The following ERBB4 variants were observed in gnomAD, a reference collection of about 807,000 sequenced individuals.
ERBB4 encodes erb-b2 receptor tyrosine kinase 4, also known as receptor tyrosine-protein kinase erbB-4.
ERBB4 carries 42 observed loss-of-function variants against 158.0 expected under a neutral mutation model. The ratio of observed to expected loss-of-function variants is 0.27; its 90% CI spans 0.21 to 0.34. ERBB4 has a LOEUF of 0.34. ERBB4 is among the 10% of genes least tolerant of loss of function. ERBB4 has a pLI of 1.00. For synonymous variants in ERBB4, 583 were observed against 558.7 expected, an observed-to-expected ratio of 1.04 and a Z score of -0.61; for missense variants, 1,333 against 1,624.1, an observed-to-expected ratio of 0.82 and a Z score of 3.08.
chr2:212,082,619 G>A (rs2078480686), intron 2 of ERBB4, among the ~76,000 whole-genome samples: 1 of 151,912 alleles, frequency 6.6e-6, no homozygotes, highest in Non-Finnish European at 1.5e-5. Context: ...TCTACAAGTG[G>A]ATTCGTATGA....
chr2:211,715,258 G>T (rs934561393), intron 7 of ERBB4, among the ~76,000 whole-genome samples: 1 of 152,170 alleles, frequency 6.6e-6, no homozygotes, highest in Non-Finnish European at 1.5e-5. Flanking sequence ...TGGGTACAAA[G>T]TATGGAAAAA....
chr2:212,019,393 A>C (rs976085378), intron 2 of ERBB4, among the ~76,000 whole-genome samples: 1 of 152,210 alleles, frequency 6.6e-6, no homozygotes, highest in Non-Finnish European at 1.5e-5. Flanking sequence ...GGTTATCTAC[A>C]AAAATGCAAA....
chr2:212,027,609 C>T (rs2076803841), intron 2 of ERBB4, among the ~76,000 whole-genome samples: 1 of 151,820 alleles, frequency 6.6e-6, no homozygotes, highest in Non-Finnish European at 1.5e-5. Flanking sequence ...TATTCTTACT[C>T]CTTGGCTTCA....
chr2:211,505,409 T>A (rs189946137), intron 20 of ERBB4, among the ~76,000 whole-genome samples: 1 of 151,538 alleles, frequency 6.6e-6, no homozygotes, highest in East Asian at 1.9e-4. Context: ...AAGCAAACAC[T>A]AAGGGAATTG....
At chr2:211,928,510 G>T (rs1434092558) in intron 3 of ERBB4, among the ~76,000 whole-genome samples, 2 of 152,160 alleles carry the variant, frequency 1.3e-5, no homozygotes. Context: ...AAACTCTCCT[G>T]TAGAAATCTT....
chr2:211,815,367 T>C (rs907410713), intron 3 of ERBB4, among the ~76,000 whole-genome samples: 2 of 152,208 alleles, frequency 1.3e-5, no homozygotes, highest in Non-Finnish European at 2.9e-5. Context: ...AAGAAAAGTG[T>C]TTGACTCTCC....
At chr2:212,416,436 G>C (rs1287361710) in intron 1 of ERBB4, among the ~76,000 whole-genome samples, 4 of 151,862 alleles carry the variant, frequency 2.6e-5, no homozygotes, top group African/African-American at 4.8e-5. Flanking sequence ...CTTAGGAAAG[G>C]GGTCAGACAT....
chr2:212,061,220 G>T (rs1474198260), intron 2 of ERBB4, among the ~76,000 whole-genome samples: 1 of 151,464 alleles, frequency 6.6e-6, no homozygotes, highest in African/African-American at 2.4e-5. Context: ...ATTTTGGGAG[G>T]CTGAGGTGGG....
At chr2:211,980,132 T>C (rs1274012824) in intron 2 of ERBB4, among the ~76,000 whole-genome samples, 2 of 152,110 alleles carry the variant, frequency 1.3e-5, no homozygotes, top group East Asian at 3.8e-4. Flanking sequence ...GAGTATTCTG[T>C]CTCTTGAATA....
chr2:211,755,570 T>C (rs552577899), intron 4 of ERBB4, among the ~76,000 whole-genome samples: 3 of 152,362 alleles, frequency 2.0e-5, no homozygotes, highest in Admixed American at 1.3e-4. Flanking sequence ...TCACCACTAT[T>C]TTAATTCACA....
intron 20 of ERBB4, among the ~76,000 whole-genome samples, chr2:211,531,460 A>C (rs1265610733): frequency 6.6e-6 from 1 of 152,152 alleles, no homozygotes; most frequent in African/African-American, 2.4e-5. Flanking sequence ...ACAACTCTAT[A>C]GGAAAAAATC....
intron 2 of ERBB4, among the ~76,000 whole-genome samples, chr2:211,977,498 C>A (rs77064543): frequency 8.5e-6 from 1 of 117,984 alleles, no homozygotes; most frequent in African/African-American, 3.1e-5. Context: ...GGCACTTTCT[C>A]TTTTAGGCCT....
At chr2:211,740,755 C>T (rs372622070) in intron 5 of ERBB4, among the ~76,000 whole-genome samples, 106 of 150,216 alleles carry the variant, frequency 7.1e-4, no homozygotes, top group African/African-American at 2.3e-3. Context: ...GGACTATAGG[C>T]GCCCGCCACC....
At chr2:211,888,982 G>A (rs6734706) in intron 3 of ERBB4, among the ~76,000 whole-genome samples, 94,485 of 145,960 alleles carry the variant, frequency 0.65, 32,518 homozygotes, top group East Asian at 0.9. Context: ...AGGGGCGCCC[G>A]CCATTGCCCA....
intron 1 of ERBB4, among the ~76,000 whole-genome samples, chr2:212,370,452 A>G (rs979889617): frequency 2.0e-5 from 3 of 152,192 alleles, no homozygotes; most frequent in African/African-American, 7.2e-5. Context: ...AATTACAATA[A>G]CTGCCTCTGG....
intron 12 of ERBB4, among the ~76,000 whole-genome samples, chr2:211,683,746 T>TC (rs908210763): frequency 4.7e-4 from 72 of 151,796 alleles, no homozygotes; most frequent in African/African-American, 1.5e-3. Context: ...GTCAGGGTTT[T>TC]TTTTTTTTTA....
intron 1 of ERBB4, among the ~76,000 whole-genome samples, chr2:212,249,423 T>C (rs2084438171): frequency 9.7e-6 from 1 of 103,304 alleles, no homozygotes; most frequent in Admixed American, 8.4e-5. Flanking sequence ...AAAGGAAAAA[T>C]ATCATTCATG....
chr2:211,468,983 T>C (rs1470115277), intron 20 of ERBB4, among the ~76,000 whole-genome samples: 1 of 150,744 alleles, frequency 6.6e-6, no homozygotes, highest in East Asian at 2.0e-4. Context: ...TGTCAAGTTG[T>C]CTGGTAGAGA....
At chr2:212,440,809 C>T (rs2092238234) in intron 1 of ERBB4, among the ~76,000 whole-genome samples, 1 of 152,142 alleles carries the variant, frequency 6.6e-6, no homozygotes, top group Non-Finnish European at 1.5e-5. Flanking sequence ...TACATAACAC[C>T]TTTGACCATA....
Sources: allele counts gnomAD v4.1 joint callset (sites outside exome capture counted in the v4.1 genomes callset), GRCh38; gene constraint gnomAD v4.1.1; transcripts MANE v1.5; gene names NCBI Gene and HGNC (gene_info 2026-07-23, HGNC 2026-07-21).